Variants in SHISA9 observed in about 807,000 individuals in gnomAD.
SHISA9 encodes the protein protein shisa-9.
A neutral mutation model predicts 38.0 loss-of-function variants in SHISA9; 13 were observed. The observed-to-expected ratio is 0.34, with a 90% CI of 0.22 to 0.54. The LOEUF (loss-of-function observed/expected upper bound fraction) is 0.54, where lower values mean the gene tolerates loss of function less well. SHISA9 is among the 20% of genes least tolerant of loss of function. SHISA9 has a pLI of 0.91. For synonymous variants in SHISA9, 275 were observed against 242.0 expected, an observed-to-expected ratio of 1.14 and a Z score of -1.27; for missense variants, 538 against 575.8, an observed-to-expected ratio of 0.93 and a Z score of 0.67.
Position 12,970,394 on chromosome 16 carries a change from T to TATATATAC in SHISA9, c.691+53586_691+53587insCATATATA, listed in dbSNP as rs1567357017. ...ACATATATATATACATATATGTATA[T>TATATATAC]ATATATATACATATATATATATACA... is the stretch of plus-strand genomic sequence containing the variant. On this transcript the variant is annotated intron_variant, in intron 2 of 4. Coordinates refer to ENST00000558583, the MANE Select transcript of SHISA9 (RefSeq NM_001145204.3). Among the ~76,000 whole-genome samples the TATATATAC allele has an allele frequency of 9.7e-3, 178 of 18,318 alleles. 2 individuals carry two copies. The highest frequency in any genetic ancestry group is 0.011 in the Non-Finnish European group (130 of 11,312). 12.0% of individuals were successfully genotyped at this position (18,318 alleles called of 152,430 possible).
chr16:12,948,556 C>G (rs996346503), intron 2 of SHISA9, among the ~76,000 whole-genome samples: 1 of 152,208 alleles, frequency 6.6e-6, no homozygotes, highest in Non-Finnish European at 1.5e-5. Flanking sequence ...AGTCCAAGAT[C>G]AAGGTGCTGG....
intron 1 of SHISA9, chr16:12,908,433 A>G (rs886533237): frequency 6.5e-6 from 10 of 1,549,214 alleles, no homozygotes; most frequent in Non-Finnish European, 8.7e-7. Flanking sequence ...CCATAAGCTT[A>G]TGTGTAAATT....
the SHISA9 span, among the ~76,000 whole-genome samples, chr16:13,472,377 ATTTTTTTTTTTTTTT>A: frequency 1.3e-4 from 7 of 55,472 alleles, 1 homozygote; most frequent in South Asian, 1.9e-3. Flanking sequence ...GCTCTGCTAA[ATTTTTTTTTTTTTTT>A]TTTTTTTTTT....
intron 2 of SHISA9, among the ~76,000 whole-genome samples, chr16:12,933,154 A>T (rs1346127829): frequency 6.6e-6 from 1 of 152,190 alleles, no homozygotes; most frequent in Admixed American, 6.5e-5. Context: ...ATATGAATGA[A>T]TAATTTGAAA....
At chr16:13,009,023 A>G (rs1284894235) in intron 2 of SHISA9, among the ~76,000 whole-genome samples, 3 of 152,124 alleles carry the variant, frequency 2.0e-5, no homozygotes, top group African/African-American at 7.2e-5. Flanking sequence ...TAGGGGATGG[A>G]GAGTGACAAA....
At chr16:13,454,679 G>A in the SHISA9 span, among the ~76,000 whole-genome samples, 2 of 152,182 alleles carry the variant, frequency 1.3e-5, no homozygotes, top group Non-Finnish European at 2.9e-5. Context: ...AAAGAAGCCA[G>A]ACTGTCCCCC....
the SHISA9 span, among the ~76,000 whole-genome samples, chr16:13,301,451 G>T: frequency 6.6e-6 from 1 of 152,204 alleles, no homozygotes; most frequent in Non-Finnish European, 1.5e-5. Context: ...ATACCGTGAG[G>T]TCGAATGTAC....
At chr16:13,106,499 G>A (rs2073926606) in intron 2 of SHISA9, among the ~76,000 whole-genome samples, 1 of 152,124 alleles carries the variant, frequency 6.6e-6, no homozygotes, top group South Asian at 2.1e-4. Context: ...CATGTTTGGT[G>A]TTTGATGCAT....
chr16:13,560,776 AAGG>A, the SHISA9 span, among the ~76,000 whole-genome samples: 1 of 151,744 alleles, frequency 6.6e-6, no homozygotes, highest in African/African-American at 2.4e-5. Context: ...AAAAAGCAGA[AAGG>A]AGAAGAGAAG....
the SHISA9 span, among the ~76,000 whole-genome samples, chr16:13,444,207 CA>C: frequency 2.0e-5 from 3 of 152,062 alleles, no homozygotes; most frequent in Non-Finnish European, 2.9e-5. Context: ...CCTGTCTTTA[CA>C]AAAAATATGA....
intron 2 of SHISA9, among the ~76,000 whole-genome samples, chr16:13,029,634 C>T (rs189012698): frequency 6.6e-6 from 1 of 152,258 alleles, no homozygotes; most frequent in Non-Finnish European, 1.5e-5. Context: ...GAATGAGATT[C>T]TGTTATTTGC....
chr16:13,518,413 C>G, the SHISA9 span, among the ~76,000 whole-genome samples: 1 of 152,186 alleles, frequency 6.6e-6, no homozygotes, highest in African/African-American at 2.4e-5. Context: ...ACAAATCCCT[C>G]TCCTCTCAGA....
At chr16:13,260,040 A>G in the SHISA9 span, among the ~76,000 whole-genome samples, 1 of 37,514 alleles carries the variant, frequency 2.7e-5, no homozygotes, top group Non-Finnish European at 5.2e-5. Flanking sequence ...TTTTTGAGAC[A>G]GGGTCTTGCT....
At chr16:13,411,498 A>G in the SHISA9 span, among the ~76,000 whole-genome samples, 1 of 152,256 alleles carries the variant, frequency 6.6e-6, no homozygotes, top group African/African-American at 2.4e-5. Context: ...ATGGACTAGC[A>G]GTTCATCTAA....
intron 2 of SHISA9, among the ~76,000 whole-genome samples, chr16:12,974,089 T>G (rs1409952655): frequency 6.6e-6 from 1 of 151,954 alleles, no homozygotes; most frequent in Non-Finnish European, 1.5e-5. Context: ...AGAGACCAAT[T>G]AGAAAGTGGA....
At chr16:13,458,605 A>T in the SHISA9 span, 1 of 393,140 alleles carries the variant, frequency 2.5e-6, no homozygotes, top group Non-Finnish European at 5.0e-6. Flanking sequence ...AATCCAGCTA[A>T]GAGATTTGGA....
intron 2 of SHISA9, among the ~76,000 whole-genome samples, chr16:13,049,535 T>C (rs1472999199): frequency 6.6e-6 from 1 of 152,162 alleles, no homozygotes; most frequent in African/African-American, 2.4e-5. Context: ...CCCCACTGAA[T>C]TGCTGATAGT....
At chr16:13,475,847 G>A in the SHISA9 span, among the ~76,000 whole-genome samples, 1 of 152,058 alleles carries the variant, frequency 6.6e-6, no homozygotes, top group African/African-American at 2.4e-5. Context: ...TAAGGAACAG[G>A]CAACCTAGAT....
At chr16:12,960,613 G>T (rs2071897245) in intron 2 of SHISA9, among the ~76,000 whole-genome samples, 1 of 152,194 alleles carries the variant, frequency 6.6e-6, no homozygotes, top group Non-Finnish European at 1.5e-5. Flanking sequence ...CATGTCCTTT[G>T]CAGGGACATG....
Sources: allele counts gnomAD v4.1 joint callset (sites outside exome capture counted in the v4.1 genomes callset), GRCh38; gene constraint gnomAD v4.1.1; transcripts MANE v1.5; gene names NCBI Gene and HGNC (gene_info 2026-07-23, HGNC 2026-07-21).